The following CRIM1 variants were observed in gnomAD, a reference collection of about 807,000 sequenced individuals.
The protein encoded by CRIM1 is cysteine rich transmembrane BMP regulator 1.
In CRIM1, 32 loss-of-function variants were observed where a neutral mutation model predicts 116.4. The ratio of observed to expected loss-of-function variants is 0.27; its 90% CI spans 0.21 to 0.37. The LOEUF (loss-of-function observed/expected upper bound fraction) is 0.37, where lower values mean the gene tolerates loss of function less well. CRIM1 is among the 10% of genes least tolerant of loss of function. The pLI is 1.00. For missense variants in CRIM1, 1,331 were observed against 1,354.8 expected (o/e 0.98, Z 0.28); for synonymous variants, 590 against 509.2 (o/e 1.16, Z -2.13).
intron 1 of CRIM1, among the ~76,000 whole-genome samples, chr2:36,370,217 A>G (rs1338232313): frequency 7.3e-6 from 1 of 136,668 alleles, no homozygotes; most frequent in Non-Finnish European, 1.6e-5. Flanking sequence ...TTTTTTTTTT[A>G]AATAGTATGC....
In CRIM1 at chr2:36,411,001, T is replaced by C. The variant is rs1344130581; in HGVS notation, c.505+14214T>C. Reference sequence around the variant, plus strand: ...ACAAATTCTCATATTCTCAGTCGTGTCTGACGCAGATCTGGGTACTAGTCA... The same window carrying C: ...ACAAATTCTCATATTCTCAGTCGTGCCTGACGCAGATCTGGGTACTAGTCA... On this transcript the variant is annotated intron_variant, in intron 2 of 16. Transcript: ENST00000280527. Among the ~76,000 whole-genome samples, 2 of 152,230 alleles carry C rather than the reference T, an allele frequency of 1.3e-5. 1 individual carries two copies. The highest frequency in any genetic ancestry group is 4.1e-4 in the South Asian group (2 of 4,828).
At chr2:36,423,708 G>A (rs1434226488) in intron 2 of CRIM1, among the ~76,000 whole-genome samples, 1 of 152,090 alleles carries the variant, frequency 6.6e-6, no homozygotes, top group Non-Finnish European at 1.5e-5. Flanking sequence ...TTGTTGACTG[G>A]GTTCCATGAT....
chr2:36,537,807 C>T (rs931553849), intron 14 of CRIM1, among the ~76,000 whole-genome samples: 12 of 152,270 alleles, frequency 7.9e-5, no homozygotes, highest in African/African-American at 2.9e-4. Flanking sequence ...TTAGTATAAC[C>T]AACCTGTTAA....
At position 36,371,362 on chromosome 2, in the gene CRIM1, A is replaced by T. The variant is rs138471897; in HGVS notation, c.331+14739A>T. ...ATTTCTGTCTCTCTGCCTCATTGTG[A>T]TCTATTTGAGTGCCAGGATTGTGTG... On this transcript the variant is annotated intron_variant, in intron 1 of 16. Coordinates refer to ENST00000280527, the MANE Select transcript of CRIM1 (RefSeq NM_016441.3). Among the ~76,000 whole-genome samples the T allele has an allele frequency of 5.9e-5, 9 of 152,050 alleles. No individual in the cohort carries two copies. The South Asian group carries it at 8.3e-4, about 14-fold the overall frequency.
At chr2:36,471,605 T>C (rs1256950547) in intron 5 of CRIM1, among the ~76,000 whole-genome samples, 1 of 152,156 alleles carries the variant, frequency 6.6e-6, no homozygotes, top group African/African-American at 2.4e-5. Context: ...TGCTATTGTA[T>C]ACTTAATAGA....
At position 36,544,464 on chromosome 2, in the gene CRIM1, G is replaced by A. The variant is rs146453532; in HGVS notation, c.2712G>A (p.Thr904=). The change falls in exon 15 of 17, where the codon ACG becomes ACA. Residue 904 remains threonine (T), a synonymous_variant. Coordinates refer to ENST00000280527, the MANE Select transcript of CRIM1 (RefSeq NM_016441.3). ...EVDLEVPLWP[T]PSENDIVHLP... ...ACCTGGAGGTTCCCCTGTGGCCCAC[G>A]CCTAGTGAAAATGATATCGTCCATC... is the stretch of plus-strand genomic sequence containing the variant. 2.4e-5 allele frequency: 34 copies of A among 1,396,536 alleles called. No individual in the cohort carries two copies. The highest frequency in any genetic ancestry group is 2.2e-4 in the African/African-American group (15 of 67,570). 86.5% of individuals were successfully genotyped at this position (1,396,536 alleles called of 1,614,324 possible).
chr2:36,437,904 C>T (rs892191208), intron 2 of CRIM1, among the ~76,000 whole-genome samples: 2 of 151,906 alleles, frequency 1.3e-5, no homozygotes, highest in Admixed American at 6.6e-5. Flanking sequence ...GAGGCTGAGG[C>T]GGGTGGATCA....
At chr2:36,548,343 T>C (rs867279231) in intron 16 of CRIM1, among the ~76,000 whole-genome samples, 182 bp from the exon 17 acceptor site, 1 of 152,070 alleles carries the variant, frequency 6.6e-6, no homozygotes, top group Middle Eastern at 3.4e-3. Context: ...ATACAGTTTG[T>C]CAGTGTCCCT....
intron 13 of CRIM1, among the ~76,000 whole-genome samples, chr2:36,530,946 G>A (rs1228541500): frequency 6.6e-6 from 1 of 152,184 alleles, no homozygotes; most frequent in Non-Finnish European, 1.5e-5. Context: ...GGCCTTGAAT[G>A]CCTTGTTCAC....
At chr2:36,453,810 G>A (rs1018415983) in intron 4 of CRIM1, among the ~76,000 whole-genome samples, 6 of 152,204 alleles carry the variant, frequency 3.9e-5, no homozygotes, top group Non-Finnish European at 8.8e-5. Flanking sequence ...CCTATTTGGA[G>A]AACGGTCAGA....
intron 4 of CRIM1, among the ~76,000 whole-genome samples, chr2:36,446,015 T>A (rs1225582191): frequency 6.6e-6 from 1 of 152,224 alleles, no homozygotes; most frequent in Non-Finnish European, 1.5e-5. Flanking sequence ...CAAAGCTGAT[T>A]ATGTGGAGAA....
intron 2 of CRIM1, among the ~76,000 whole-genome samples, chr2:36,428,513 C>T (rs1459937769): frequency 6.6e-6 from 1 of 152,206 alleles, no homozygotes; most frequent in Non-Finnish European, 1.5e-5. Context: ...CCTGGGCTTT[C>T]TGCTTAAAGT....
intron 5 of CRIM1, among the ~76,000 whole-genome samples, chr2:36,471,284 C>T (rs1237882925): frequency 1.3e-5 from 2 of 152,148 alleles, no homozygotes; most frequent in South Asian, 2.1e-4. Context: ...AGAGGATTGA[C>T]TCCAGTTTTG....
chr2:36,540,180 C>T (rs578229944), intron 14 of CRIM1, among the ~76,000 whole-genome samples: 6 of 152,222 alleles, frequency 3.9e-5, no homozygotes, highest in African/African-American at 1.2e-4. Flanking sequence ...CTGTTAGCCA[C>T]GTAAGATGCG....
chr2:36,421,113 C>G (rs1355781739), intron 2 of CRIM1, among the ~76,000 whole-genome samples: 2 of 152,158 alleles, frequency 1.3e-5, no homozygotes, highest in Non-Finnish European at 2.9e-5. Flanking sequence ...ACTGTTAAAT[C>G]CAAAACCATA....
chr2:36,521,484 A>G (rs953785307), intron 12 of CRIM1, among the ~76,000 whole-genome samples: 3 of 152,174 alleles, frequency 2.0e-5, no homozygotes, highest in Admixed American at 6.5e-5. Flanking sequence ...ATAGAGGTCT[A>G]TTTTACATAT....
intron 9 of CRIM1, among the ~76,000 whole-genome samples, chr2:36,512,041 G>T (rs958865640): frequency 1.1e-4 from 16 of 152,320 alleles, no homozygotes; most frequent in African/African-American, 3.8e-4. Flanking sequence ...GATTCTGAGA[G>T]CCACATCCTA....
chr2:36,517,593 G>C, intron 12 of CRIM1, 51 bp downstream of exon 12: 1 of 1,560,548 alleles, frequency 6.4e-7, no homozygotes, highest in South Asian at 1.1e-5. Flanking sequence ...ATGCAGCTCT[G>C]GGTGTTGTCA....
intron 10 of CRIM1, 128 bp downstream of exon 10, chr2:36,512,522 G>T: frequency 1.0e-6 from 1 of 1,003,366 alleles, no homozygotes; most frequent in Non-Finnish European, 1.4e-6. Flanking sequence ...GTCAGTCTCT[G>T]TGGGACCGTC....
Sources: allele counts gnomAD v4.1 joint callset (sites outside exome capture counted in the v4.1 genomes callset), GRCh38; gene constraint gnomAD v4.1.1; transcripts MANE v1.5; gene names NCBI Gene and HGNC (gene_info 2026-07-23, HGNC 2026-07-21).